The following DSCAML1 variants were observed in gnomAD, a reference collection of about 807,000 sequenced individuals.
DSCAML1 encodes cell adhesion molecule DSCAML1.
Under a neutral mutation model 200.5 loss-of-function variants are expected in DSCAML1, and 38 were observed. That is an observed-to-expected ratio of 0.19 (90% confidence interval 0.15 to 0.25). The LOEUF (loss-of-function observed/expected upper bound fraction) is 0.25, where lower values mean the gene tolerates loss of function less well. DSCAML1 is among the 10% of genes least tolerant of loss of function. DSCAML1 has a pLI of 1.00. For missense variants in DSCAML1, 2,223 were observed against 2,858.8 expected, an observed-to-expected ratio of 0.78 and a Z score of 5.07; for synonymous variants, 1,215 against 1,165.0, an observed-to-expected ratio of 1.04 and a Z score of -0.87.
In DSCAML1 at chr11:117,481,199, C is replaced by T. The variant is rs767057810; in HGVS notation, c.2631G>A (p.Arg877=). ...CTTGCACAGTGAGTTGGATCAAGCCCCGGTCCTCCCCATACGAGTTGATGG... is the reference window on the plus strand; with the variant it reads ...CTTGCACAGTGAGTTGGATCAAGCCTCGGTCCTCCCCATACGAGTTGATGG... The part of the protein sequence containing the change: ...CHAINSYGED[R]GLIQLTVQEP... The change falls in exon 13 of 33, where the codon CGG becomes CGA. Residue 877 remains arginine (R), a synonymous_variant. Coordinates refer to ENST00000651296, the MANE Select transcript of DSCAML1 (RefSeq NM_020693.4). 2 of 1,613,748 alleles carry T rather than the reference C, an allele frequency of 1.2e-6. No individual in the cohort carries two copies. Among genetic ancestry groups the T allele is most frequent in the South Asian group, 1.1e-5 (1 of 91,068 alleles).
chr11:117,646,829 A>C (rs2052530691), intron 3 of DSCAML1, among the ~76,000 whole-genome samples: 2 of 145,402 alleles, frequency 1.4e-5, no homozygotes, highest in Admixed American at 1.5e-4. Context: ...TATGAGTTCA[A>C]AAGAGGTCTC....
At position 117,524,832 on chromosome 11, in the gene DSCAML1, C is replaced by T. The variant is rs2049945651; in HGVS notation, c.910G>A (p.Glu304Lys). 6.3e-7 allele frequency: 1 copy of T among 1,589,398 alleles called. No homozygotes were observed. The highest frequency in any genetic ancestry group is 1.1e-5 in the South Asian group (1 of 87,288). Residue 304 changes from glutamate to lysine, a missense_variant, in exon 5 of 33, where the codon GAG becomes AAG. This residue lies in a region of DSCAML1 where 579 missense variants were observed against 721.5 expected (regional missense o/e 0.80). Transcript: ENST00000651296. ...CEVTNTFGSA[E>K]ATGILMVIDP... ...ATGACCATGAGGATGCCTGTGGCCTCTGCCGAACCGAAGGTGTTGGTGACC... is the reference window on the plus strand; with the variant it reads ...ATGACCATGAGGATGCCTGTGGCCTTTGCCGAACCGAAGGTGTTGGTGACC...
intron 1 of DSCAML1, among the ~76,000 whole-genome samples, chr11:117,794,903 G>C (rs1289975054): frequency 6.6e-6 from 1 of 152,160 alleles, no homozygotes. Flanking sequence ...AATCGCAGGG[G>C]CACCGGGCTC....
intron 27 of DSCAML1, 74 bp downstream of exon 27, chr11:117,435,570 G>A: frequency 6.7e-7 from 1 of 1,496,502 alleles, no homozygotes; most frequent in Non-Finnish European, 9.1e-7. Flanking sequence ...GGTGCTGTGA[G>A]CCAGGGAAGG....
chr11:117,581,842 A>G (rs1228123639), intron 3 of DSCAML1, among the ~76,000 whole-genome samples: 2 of 152,158 alleles, frequency 1.3e-5, no homozygotes, highest in Admixed American at 6.5e-5. Context: ...CTAGAAACCA[A>G]TATCAGCAAA....
intron 3 of DSCAML1, among the ~76,000 whole-genome samples, chr11:117,577,575 CTT>C (rs1158315772): frequency 1.7e-5 from 2 of 118,128 alleles, no homozygotes; most frequent in Admixed American, 8.8e-5. Flanking sequence ...TCTTTCCTTT[CTT>C]TTTTTTTTTG....
rs568412552 is a variant in DSCAML1 at position 117,707,627 on chromosome 11, G to A, written c.511+69164C>T. Among the ~76,000 whole-genome samples the A allele has an allele frequency of 1.8e-4, 27 of 152,222 alleles. No homozygotes were observed. In the East Asian group the frequency reaches 3.5e-3, roughly 20 times the overall value. On this transcript the variant is annotated intron_variant, in intron 3 of 32. Transcript: ENST00000651296. ...CGACTCACTGCAACCTCTGCCTTCC[G>A]GGTTCAAGCGATTCTCCTGCCTCAG... is the stretch of plus-strand genomic sequence containing the variant.
At chr11:117,745,991 G>T (rs1036976968) in intron 3 of DSCAML1, among the ~76,000 whole-genome samples, 3 of 151,876 alleles carry the variant, frequency 2.0e-5, no homozygotes, top group East Asian at 3.9e-4. Flanking sequence ...GAGGCAGGTG[G>T]ATCATGAGGT....
At chr11:117,680,510 G>A (rs1284374358) in intron 3 of DSCAML1, among the ~76,000 whole-genome samples, 3 of 152,250 alleles carry the variant, frequency 2.0e-5, no homozygotes, top group Non-Finnish European at 4.4e-5. Context: ...TCCAAAGGAA[G>A]GCATGGAGGT....
At chr11:117,816,804 G>GGGA (rs2055813281) in intron 1 of DSCAML1, among the ~76,000 whole-genome samples, 1 of 110,502 alleles carries the variant, frequency 9.0e-6, no homozygotes, top group African/African-American at 3.0e-5. Context: ...TTGCTGGGGG[G>GGGA]GTGGGGTGGA....
At chr11:117,812,019 C>T (rs1034435167) in intron 1 of DSCAML1, among the ~76,000 whole-genome samples, 7 of 152,314 alleles carry the variant, frequency 4.6e-5, no homozygotes, top group African/African-American at 1.7e-4. Context: ...TCTCCACCTG[C>T]CCAGTTCCCT....
At position 117,464,444 on chromosome 11, in the gene DSCAML1, C is replaced by T. The variant is rs111774429; in HGVS notation, c.3265+498G>A. On this transcript the variant is annotated intron_variant, in intron 17 of 32. Coordinates refer to ENST00000651296, the MANE Select transcript of DSCAML1 (RefSeq NM_020693.4). Reference sequence around the variant, plus strand: ...TGCTAATCAGAGTGTGGGGTTCTCTCCAGTCATGGAAGAATGAAGACTTAA... The same window carrying T: ...TGCTAATCAGAGTGTGGGGTTCTCTTCAGTCATGGAAGAATGAAGACTTAA... 8.5e-3 allele frequency among the ~76,000 whole-genome samples: 1,301 copies of T among 152,246 alleles called. 7 individuals carry two copies. The highest frequency in any genetic ancestry group is 0.013 in the Non-Finnish European group (895 of 68,002).
At chr11:117,766,648 C>T (rs757061352) in intron 3 of DSCAML1, among the ~76,000 whole-genome samples, 6 of 152,176 alleles carry the variant, frequency 3.9e-5, no homozygotes, top group African/African-American at 9.7e-5. Context: ...GGTGTGATCC[C>T]GGGGCAGAGC....
rs940699329 is a variant in DSCAML1, at chr11:117,498,554, T to A, written c.2359+5291A>T. On this transcript the variant is annotated intron_variant, in intron 11 of 32. Transcript: ENST00000651296. This position sits in a 1 kb window ranked among gnomAD's most constrained non-coding sequence, Gnocchi z 4.0. ...AGGTCTCAGGGAGGTGCTGCTTCTGTTTGACAAGAAGGAGTTTCCTTTGGG... is the reference window on the plus strand; with the variant it reads ...AGGTCTCAGGGAGGTGCTGCTTCTGATTGACAAGAAGGAGTTTCCTTTGGG... Among the ~76,000 whole-genome samples the A allele has an allele frequency of 1.3e-5, 2 of 152,104 alleles. No homozygotes were observed. Among genetic ancestry groups the A allele is most frequent in the East Asian group, 3.9e-4 (2 of 5,182 alleles).
At chr11:117,658,915 T>C (rs1259954991) in intron 3 of DSCAML1, among the ~76,000 whole-genome samples, 2 of 152,206 alleles carry the variant, frequency 1.3e-5, no homozygotes, top group African/African-American at 2.4e-5. Flanking sequence ...GACTGGACCT[T>C]AGCTTCTAGT....
chr11:117,513,988 A>G (rs2049702943), intron 8 of DSCAML1, among the ~76,000 whole-genome samples: 1 of 151,976 alleles, frequency 6.6e-6, no homozygotes, highest in Admixed American at 6.6e-5. Flanking sequence ...AGGCCCTTCC[A>G]CCGGATGTCC....
intron 3 of DSCAML1, among the ~76,000 whole-genome samples, chr11:117,737,199 C>T (rs941592845): frequency 3.9e-5 from 6 of 152,190 alleles, no homozygotes; most frequent in Admixed American, 6.5e-5. Flanking sequence ...TTTCAGCTCC[C>T]CTAGTTATAA....
At chr11:117,800,929 T>A (rs1480985005), upstream of DSCAML1, 1 of 152,252 alleles carries the variant, frequency 6.6e-6, no homozygotes, top group Non-Finnish European at 1.5e-5. Context: ...AGGCATAAAA[T>A]TATTTTAACA....
At chr11:117,806,905 T>C (rs2055711070) in intron 1 of DSCAML1, among the ~76,000 whole-genome samples, 1 of 152,250 alleles carries the variant, frequency 6.6e-6, no homozygotes, top group Non-Finnish European at 1.5e-5. Context: ...TTGTTTCATC[T>C]ATGCTCCCCT....
Sources: allele counts gnomAD v4.1 joint callset (sites outside exome capture counted in the v4.1 genomes callset), GRCh38; gene constraint gnomAD v4.1.1; regional missense constraint gnomAD v4.1.1; non-coding constraint Gnocchi (gnomAD v3.1); transcripts MANE v1.5; gene names NCBI Gene and HGNC (gene_info 2026-07-23, HGNC 2026-07-21).